MTMR1: variants seen among roughly 807,000 people sequenced by gnomAD.
The protein encoded by MTMR1 is myotubularin related protein 1.
In MTMR1, 17 loss-of-function variants were observed where a neutral mutation model predicts 51.6. The ratio of observed to expected loss-of-function variants is 0.33; its 90% CI spans 0.23 to 0.49. The LOEUF is 0.49. MTMR1 is among the 20% of genes least tolerant of loss of function. The pLI, the probability that MTMR1 is intolerant of heterozygous loss-of-function variation, is 0.99. For missense variants in MTMR1, 386 were observed against 526.9 expected (o/e 0.73, Z 2.62); for synonymous variants, 201 against 205.6 (o/e 0.98, Z 0.19).
At chrX:150,730,080 A>AGGTT in intron 6 of MTMR1, 29 bp from the exon 7 acceptor site, 1 of 1,086,510 alleles carries the variant, frequency 9.2e-7, no homozygotes, top group African/African-American at 1.8e-5. Context: ...TGTATGTTGA[A>AGGTT]TAACCGAGTT....
chrX:150,760,824 G>A (rs376396144), intron 15 of MTMR1, among the ~76,000 whole-genome samples: 30 of 110,055 alleles, frequency 2.7e-4, no homozygotes, highest in African/African-American at 9.6e-4. Context: ...CTGCTCAGGA[G>A]GCTGAGGCAG....
chrX:150,735,563 G>T (rs2042243295), intron 10 of MTMR1: 9 of 453,893 alleles, frequency 2.0e-5, no homozygotes, highest in South Asian at 3.6e-5. Context: ...CTCACCTACA[G>T]CAGGAACCTT....
chrX:150,743,735 G>A (rs1327523811), intron 12 of MTMR1, among the ~76,000 whole-genome samples: 2 of 111,999 alleles, frequency 1.8e-5, no homozygotes, highest in African/African-American at 6.5e-5. Flanking sequence ...TCCTATTTGT[G>A]TATTTGAGAA....
At chrX:150,758,750 T>C (rs1439145300) in intron 15 of MTMR1, among the ~76,000 whole-genome samples, 4 of 107,460 alleles carry the variant, frequency 3.7e-5, no homozygotes, top group Non-Finnish European at 7.7e-5. Flanking sequence ...GAGATGAGAT[T>C]GCACCACTGC....
intron 14 of MTMR1, among the ~76,000 whole-genome samples, chrX:150,753,211 C>T (rs1459751264): frequency 8.9e-6 from 1 of 112,347 alleles, no homozygotes; most frequent in Non-Finnish European, 1.9e-5. Context: ...TATGGATAGA[C>T]CACATTTTGT....
chrX:150,706,112 G>T (rs1435093127), intron 2 of MTMR1, among the ~76,000 whole-genome samples: 7 of 111,296 alleles, frequency 6.3e-5, no homozygotes, highest in Non-Finnish European at 1.3e-4. Flanking sequence ...GCTGCATCAT[G>T]ACATGGCAGG....
intron 13 of MTMR1, among the ~76,000 whole-genome samples, chrX:150,748,734 T>C (rs781927919): frequency 9.1e-6 from 1 of 109,337 alleles, no homozygotes; most frequent in Non-Finnish European, 1.9e-5. Flanking sequence ...CAGGCTGAAG[T>C]GGGAGGGATC....
intron 14 of MTMR1, among the ~76,000 whole-genome samples, chrX:150,755,453 G>A (rs1456433351): frequency 8.9e-6 from 1 of 111,850 alleles, no homozygotes; most frequent in Non-Finnish European, 1.9e-5. Context: ...AGACACAGTT[G>A]TCGGATGCTA....
At chrX:150,698,732 C>T (rs1035148277) in intron 1 of MTMR1, among the ~76,000 whole-genome samples, 4 of 96,816 alleles carry the variant, frequency 4.1e-5, no homozygotes, top group Non-Finnish European at 4.2e-5. Context: ...ACACAAAAGC[C>T]GGGCCTGGTG....
At chrX:150,757,660 C>T (rs2042942756) in intron 15 of MTMR1, among the ~76,000 whole-genome samples, 2 of 111,750 alleles carry the variant, frequency 1.8e-5, no homozygotes, top group African/African-American at 3.3e-5. Context: ...GTGAATGAGC[C>T]GCCCTTTGTG....
chrX:150,710,643 G>A (rs572170595), intron 2 of MTMR1, among the ~76,000 whole-genome samples: 186 of 112,573 alleles, frequency 1.7e-3, no homozygotes, highest in African/African-American at 5.6e-3. Context: ...TTACAGGCGT[G>A]AGCCACTGCG....
At chrX:150,735,393 A>G in intron 10 of MTMR1, 1 of 464,250 alleles carries the variant, frequency 2.2e-6, no homozygotes. Flanking sequence ...TATTTTGTTG[A>G]GGATATTTGC....
At chrX:150,760,610 C>T (rs1557417983) in intron 15 of MTMR1, among the ~76,000 whole-genome samples, 2 of 112,009 alleles carry the variant, frequency 1.8e-5, no homozygotes, top group Non-Finnish European at 3.8e-5. Flanking sequence ...CAGGCATGCC[C>T]TTGATTTGTT....
chrX:150,702,775 T>C, intron 2 of MTMR1, among the ~76,000 whole-genome samples: 1 of 112,078 alleles, frequency 8.9e-6, no homozygotes, highest in East Asian at 2.8e-4. Context: ...GTATGGGCAG[T>C]TGGCAGATAC....
chrX:150,730,015 T>TAAAAAAA, intron 6 of MTMR1, 94 bp from the exon 7 acceptor site: 1 of 499,173 alleles, frequency 2.0e-6, no homozygotes, highest in East Asian at 4.2e-5. Flanking sequence ...AGAAATGAAT[T>TAAAAAAA]AAAAAAAAAT....
chrX:150,737,515 G>A, intron 12 of MTMR1, 67 bp downstream of exon 12: 2 of 950,870 alleles, frequency 2.1e-6, no homozygotes, highest in Non-Finnish European at 1.5e-6. Context: ...AACGTCATGT[G>A]TGACACACGT....
At chrX:150,761,061 C>T (rs1286950051) in intron 15 of MTMR1, among the ~76,000 whole-genome samples, 1 of 111,549 alleles carries the variant, frequency 9.0e-6, no homozygotes, top group Non-Finnish European at 1.9e-5. Context: ...GTGTATTTCC[C>T]TGCGTGTCTT....
intron 12 of MTMR1, among the ~76,000 whole-genome samples, chrX:150,741,394 C>T (rs1280834537): frequency 8.9e-6 from 1 of 112,177 alleles, no homozygotes; most frequent in Non-Finnish European, 1.9e-5. Flanking sequence ...AGGCATCTCC[C>T]TGTCCTTCAA....
intron 1 of MTMR1, among the ~76,000 whole-genome samples, chrX:150,695,069 G>A (rs1185734021): frequency 2.7e-5 from 3 of 112,264 alleles, no homozygotes; most frequent in Admixed American, 1.9e-4. Context: ...CCAAAGAGGC[G>A]AGGGATCCAG....
Sources: gnomAD v4.1 joint callset for allele counts (sites outside exome capture counted in the v4.1 genomes callset) on GRCh38, gnomAD v4.1.1 for gene constraint, MANE v1.5 for transcripts, NCBI Gene and HGNC (gene_info 2026-07-23, HGNC 2026-07-21) for gene names.